Variants in AXIN1 observed in about 807,000 individuals in gnomAD.
AXIN1 encodes the protein axin-1.
Under a neutral mutation model 76.4 loss-of-function variants are expected in AXIN1, and 30 were observed. That is an observed-to-expected ratio of 0.39 (90% confidence interval 0.29 to 0.53). The LOEUF (loss-of-function observed/expected upper bound fraction) is 0.53. AXIN1 is among the 20% of genes least tolerant of loss of function. The pLI is 0.66. For missense variants in AXIN1, 1,140 were observed against 1,198.8 expected (o/e 0.95, Z 0.72); for synonymous variants, 545 against 501.4 (o/e 1.09, Z -1.16).
At chr16:337,607 A>T (rs2053833257) in intron 2 of AXIN1, among the ~76,000 whole-genome samples, 1 of 152,020 alleles carries the variant, frequency 6.6e-6, no homozygotes, top group African/African-American at 2.4e-5. Context: ...CAGTGAGGAC[A>T]GCGCCTGCCA....
At chr16:308,708 G>C (rs1241398917) in intron 4 of AXIN1, among the ~76,000 whole-genome samples, 1 of 152,184 alleles carries the variant, frequency 6.6e-6, no homozygotes, top group Non-Finnish European at 1.5e-5. Context: ...ATGCCTGGCA[G>C]GCAGGGCCCC....
rs748175964 is a variant in AXIN1, at chr16:293,706, C to A, written c.1968G>T (p.Thr656=). 1 of 1,613,542 alleles carries A rather than the reference C, an allele frequency of 6.2e-7. No homozygotes were observed. The highest frequency in any genetic ancestry group is 8.5e-7 in the Non-Finnish European group (1 of 1,180,004). The part of the protein sequence containing the change: ...HRRTGHGSSG[T]RKPQPHENSR... ...AGTTCTCATGGGGCTGTGGCTTCCT[C>A]GTCCCCGAAGACCTTGGGGAACAAG... The change falls in exon 8 of 11, where the codon ACG becomes ACT. Residue 656 remains threonine (T), a synonymous_variant. Transcript: ENST00000262320. This position sits in a 1 kb window ranked among gnomAD's most constrained non-coding sequence, Gnocchi z 4.6.
Position 288,081 on chromosome 16 carries a change from C to G in AXIN1, c.*41G>C, listed in dbSNP as rs758293899. On this transcript the variant is annotated 3_prime_UTR_variant, in exon 11 of 11. Transcript: ENST00000262320. ...TGCCTGGCCGTGACACCCGTGCCCGCCAAGGGCCTCGCCTGGCACAGCGGC... is the reference window on the plus strand; with the variant it reads ...TGCCTGGCCGTGACACCCGTGCCCGGCAAGGGCCTCGCCTGGCACAGCGGC... The G allele has an allele frequency of 1.9e-6, 3 of 1,612,576 alleles. No individual in the cohort carries two copies. The African/African-American group carries it at 4.0e-5, about 21-fold the overall frequency.
chr16:304,042 G>A (rs1031199512), intron 5 of AXIN1, among the ~76,000 whole-genome samples: 9 of 152,188 alleles, frequency 5.9e-5, no homozygotes, highest in African/African-American at 2.2e-4. Flanking sequence ...GCAGGCAGCC[G>A]TGTCACCCCC....
chr16:313,991 T>C (rs1362173972), intron 3 of AXIN1, among the ~76,000 whole-genome samples: 3 of 152,210 alleles, frequency 2.0e-5, no homozygotes, highest in Non-Finnish European at 4.4e-5. Flanking sequence ...GACAGGACCC[T>C]GTACTGCACC....
intron 7 of AXIN1, among the ~76,000 whole-genome samples, chr16:295,150 G>A (rs183391920): frequency 5.3e-4 from 79 of 150,006 alleles, no homozygotes; most frequent in African/African-American, 1.9e-3. Context: ...CCAGGCTGCA[G>A]TGCAATGGCT....
chr16:306,561 A>T (rs2053032425), intron 4 of AXIN1, among the ~76,000 whole-genome samples: 1 of 152,212 alleles, frequency 6.6e-6, no homozygotes. Flanking sequence ...CAATGAGAGT[A>T]GAAACAGCAT....
chr16:331,712 C>T (rs1238778220), intron 2 of AXIN1, among the ~76,000 whole-genome samples: 1 of 152,190 alleles, frequency 6.6e-6, no homozygotes, highest in Non-Finnish European at 1.5e-5. Context: ...AATGCTTTAT[C>T]TTTGTGGTAT....
intron 5 of AXIN1, among the ~76,000 whole-genome samples, chr16:304,099 G>A (rs1330364722): frequency 1.3e-5 from 2 of 152,218 alleles, no homozygotes; most frequent in Non-Finnish European, 2.9e-5. Context: ...GGCCTCTGAG[G>A]GTGGCATGGG....
intron 7 of AXIN1, among the ~76,000 whole-genome samples, chr16:296,519 G>A (rs970839373): frequency 3.9e-5 from 6 of 152,222 alleles, no homozygotes; most frequent in African/African-American, 7.2e-5. Flanking sequence ...CACCAAGACC[G>A]GCCCGGCGGG....
chr16:342,713 G>A (rs1049337161), intron 2 of AXIN1, among the ~76,000 whole-genome samples: 6 of 152,240 alleles, frequency 3.9e-5, no homozygotes, highest in East Asian at 1.9e-4. Context: ...GGGCCCATCC[G>A]TCAGAGCTGC....
chr16:288,899 C>G (rs564574526), intron 10 of AXIN1, among the ~76,000 whole-genome samples: 3 of 152,244 alleles, frequency 2.0e-5, no homozygotes, highest in Non-Finnish European at 2.9e-5. Context: ...AGACCATCGT[C>G]GTCTAGGGGT....
At chr16:336,547 C>T (rs186623183) in intron 2 of AXIN1, among the ~76,000 whole-genome samples, 1 of 152,118 alleles carries the variant, frequency 6.6e-6, no homozygotes, top group African/African-American at 2.4e-5. Context: ...ACCAGCTGGG[C>T]GCGGTGCCTC....
At chr16:324,913 G>A (rs1419377938) in intron 2 of AXIN1, among the ~76,000 whole-genome samples, 1 of 152,238 alleles carries the variant, frequency 6.6e-6, no homozygotes, top group Non-Finnish European at 1.5e-5. Context: ...CCGGTGCACA[G>A]TTCCTAAGGG....
intron 2 of AXIN1, among the ~76,000 whole-genome samples, chr16:340,672 C>A (rs1200750342): frequency 6.6e-6 from 1 of 152,208 alleles, no homozygotes; most frequent in African/African-American, 2.4e-5. Flanking sequence ...AACAAAGACC[C>A]GAGGGTGCAG....
intron 9 of AXIN1, 111 bp downstream of exon 9, chr16:291,079 G>T: frequency 2.0e-6 from 2 of 1,004,744 alleles, no homozygotes; most frequent in Non-Finnish European, 1.5e-6. Flanking sequence ...AGCTGCTTCT[G>T]AGCGTGGTAC....
chr16:288,363 C>A, intron 10 of AXIN1, 115 bp from the exon 11 acceptor site: 1 of 1,466,036 alleles, frequency 6.8e-7, no homozygotes, highest in South Asian at 1.2e-5. Context: ...TGTCCATGCC[C>A]CACGGCCCCC....
chr16:303,229 G>A (rs1015727325), intron 5 of AXIN1, among the ~76,000 whole-genome samples: 1 of 152,172 alleles, frequency 6.6e-6, no homozygotes, highest in Non-Finnish European at 1.5e-5. Context: ...CAGCCGGCCT[G>A]CGCACTGGGA....
intron 2 of AXIN1, among the ~76,000 whole-genome samples, chr16:320,864 C>A (rs906074190): frequency 7.4e-6 from 1 of 134,564 alleles, no homozygotes; most frequent in African/African-American, 2.9e-5. Context: ...CTCAGCCTCC[C>A]GAGTAGCTGG....
Sources: allele counts gnomAD v4.1 joint callset (sites outside exome capture counted in the v4.1 genomes callset), GRCh38; gene constraint gnomAD v4.1.1; non-coding constraint Gnocchi (gnomAD v3.1); transcripts MANE v1.5; gene names NCBI Gene and HGNC (gene_info 2026-07-23, HGNC 2026-07-21).